Variants in ABAT observed in about 807,000 individuals in gnomAD.
ABAT encodes 4-aminobutyrate aminotransferase, mitochondrial.
ABAT carries 45 observed loss-of-function variants against 64.6 expected under a neutral mutation model. The ratio of observed to expected loss-of-function variants is 0.70; its 90% CI spans 0.55 to 0.89. ABAT has a LOEUF of 0.89. ABAT is among the 40% of genes least tolerant of loss of function. The pLI is 0.00. For missense variants in ABAT, 633 were observed against 658.4 expected (o/e 0.96, Z 0.42); for synonymous variants, 297 against 250.5 (o/e 1.19, Z -1.75).
chr16:8,677,612 G>C (rs1345653362), intron 1 of ABAT, among the ~76,000 whole-genome samples: 1 of 152,108 alleles, frequency 6.6e-6, no homozygotes, highest in Admixed American at 6.6e-5. Context: ...GTGTATTGTA[G>C]GATATTCAGC....
chr16:8,777,803 C>A (rs1490135833), intron 14 of ABAT, among the ~76,000 whole-genome samples: 3 of 152,114 alleles, frequency 2.0e-5, no homozygotes, highest in South Asian at 2.1e-4. Flanking sequence ...CCCTTCTTCA[C>A]TGGCAGGGGA....
intron 1 of ABAT, among the ~76,000 whole-genome samples, chr16:8,680,259 C>G (rs529604823): frequency 5.3e-5 from 8 of 152,208 alleles, no homozygotes; most frequent in Non-Finnish European, 7.3e-5. Context: ...TGCCTGGAAG[C>G]AGCCATCACA....
In ABAT at chr16:8,745,759, A is replaced by T. The variant is rs539072286; in HGVS notation, c.71-242A>T. 4.6e-5 allele frequency among the ~76,000 whole-genome samples: 7 copies of T among 152,326 alleles called. 1 individual carries two copies. In the East Asian group the frequency reaches 1.3e-3, roughly 29 times the overall value. On this transcript the variant is annotated intron_variant, in intron 2 of 15. Coordinates refer to ENST00000268251, the MANE Select transcript of ABAT (RefSeq NM_020686.6). Reference sequence around the variant, plus strand: ...CATCAGCTTGTACTCATGCCAGTAAAACAGGAGCATGCCTATTTGCCTACA... The same window carrying T: ...CATCAGCTTGTACTCATGCCAGTAATACAGGAGCATGCCTATTTGCCTACA...
intron 1 of ABAT, among the ~76,000 whole-genome samples, chr16:8,685,156 C>A (rs1482926550): frequency 6.6e-6 from 1 of 151,244 alleles, no homozygotes; most frequent in Non-Finnish European, 1.5e-5. Flanking sequence ...CATGGTGGTG[C>A]GTGCCTATAG....
chr16:8,748,581 T>C (rs1409225521), intron 4 of ABAT, among the ~76,000 whole-genome samples: 2 of 152,194 alleles, frequency 1.3e-5, no homozygotes, highest in African/African-American at 4.8e-5. Context: ...AGTCTTCTAT[T>C]TCCTTGCTAA....
intron 1 of ABAT, among the ~76,000 whole-genome samples, chr16:8,732,768 G>A (rs1430723170): frequency 1.5e-4 from 23 of 150,762 alleles, no homozygotes; most frequent in South Asian, 4.2e-4. Flanking sequence ...TGGCCGGGCA[G>A]AGGGGCTCCT....
intron 13 of ABAT, 61 bp downstream of exon 13, chr16:8,775,118 T>C: frequency 1.2e-6 from 2 of 1,604,154 alleles, no homozygotes; most frequent in Non-Finnish European, 1.7e-6. Flanking sequence ...CCTCTTCTCC[T>C]AACTGTTCCT....
intron 1 of ABAT, among the ~76,000 whole-genome samples, chr16:8,686,669 A>T (rs768460402): frequency 9.9e-5 from 15 of 152,176 alleles, no homozygotes; most frequent in Non-Finnish European, 1.9e-4. Flanking sequence ...ATTTCTAGTG[A>T]GAAACCGAGG....
At chr16:8,704,067 C>A (rs2057886109) in intron 1 of ABAT, among the ~76,000 whole-genome samples, 1 of 152,222 alleles carries the variant, frequency 6.6e-6, no homozygotes, top group Non-Finnish European at 1.5e-5. Flanking sequence ...CTTCCACTAT[C>A]TTGGGATGAG....
At chr16:8,757,190 A>T in intron 5 of ABAT, 2 of 415,538 alleles carry the variant, frequency 4.8e-6, no homozygotes, top group South Asian at 1.8e-5. Context: ...TATTTATTTA[A>T]ATAGAGTCTC....
At chr16:8,682,800 G>A (rs886555587) in intron 1 of ABAT, among the ~76,000 whole-genome samples, 2 of 152,124 alleles carry the variant, frequency 1.3e-5, no homozygotes, top group Admixed American at 6.5e-5. Flanking sequence ...GTGGTCCAGC[G>A]GCCAGCAGCA....
chr16:8,736,889 C>T (rs1253363499), intron 2 of ABAT: 2 of 152,226 alleles, frequency 1.3e-5, no homozygotes, highest in Non-Finnish European at 2.9e-5. Flanking sequence ...CAGCAGGAGC[C>T]TCCCTTCACA....
intron 1 of ABAT, among the ~76,000 whole-genome samples, chr16:8,733,096 CG>C (rs1567292095): frequency 6.7e-6 from 1 of 149,570 alleles, no homozygotes; most frequent in African/African-American, 2.5e-5. Context: ...ACCTCCCTCC[CG>C]GATGGGGCGG....
chr16:8,744,976 T>G (rs1238506543), intron 2 of ABAT, among the ~76,000 whole-genome samples: 1 of 152,096 alleles, frequency 6.6e-6, no homozygotes, highest in Non-Finnish European at 1.5e-5. Flanking sequence ...ACATGTAGGT[T>G]GTTTTCCCTT....
intron 6 of ABAT, among the ~76,000 whole-genome samples, chr16:8,759,322 C>A (rs906735576): frequency 6.6e-5 from 10 of 151,604 alleles, no homozygotes; most frequent in Non-Finnish European, 1.5e-4. Context: ...TGGAGTGTAT[C>A]TGTGTGTTGT....
In ABAT at chr16:8,714,430, G is replaced by A. The variant is rs189166893; in HGVS notation, c.-41-21269G>A. ...GAGAATCTCAGTTGACAGCCAGGGC[G>A]GCTCACGCCAAGAGTAGATGTCAGG... On this transcript the variant is annotated intron_variant, in intron 1 of 15. Transcript: ENST00000268251. Among the ~76,000 whole-genome samples, 41 of 152,356 alleles carry A rather than the reference G, an allele frequency of 2.7e-4. 2 individuals carry two copies. In the East Asian group the frequency reaches 4.2e-3, roughly 16 times the overall value.
intron 6 of ABAT, chr16:8,760,048 G>A (rs954189536): frequency 1.3e-5 from 2 of 152,266 alleles, no homozygotes; most frequent in African/African-American, 2.4e-5. Flanking sequence ...CATAGCTCCA[G>A]TTCAGGGCTC....
At chr16:8,729,145 G>GGA (rs1555487677) in intron 1 of ABAT, among the ~76,000 whole-genome samples, 1 of 145,704 alleles carries the variant, frequency 6.9e-6, no homozygotes, top group African/African-American at 2.5e-5. Context: ...TGGCTCTACT[G>GGA]AAAAAAAAAA....
chr16:8,679,880 C>A (rs149248614), intron 1 of ABAT, among the ~76,000 whole-genome samples: 213 of 152,194 alleles, frequency 1.4e-3, no homozygotes, highest in African/African-American at 5.0e-3. Context: ...TGTGCTATAG[C>A]TCTTCCTCCC....
Sources: gnomAD v4.1 joint callset for allele counts (sites outside exome capture counted in the v4.1 genomes callset) on GRCh38, gnomAD v4.1.1 for gene constraint, MANE v1.5 for transcripts, NCBI Gene and HGNC (gene_info 2026-07-23, HGNC 2026-07-21) for gene names.